PECR: variants seen among roughly 807,000 people sequenced by gnomAD.
PECR encodes the protein peroxisomal trans-2-enoyl-CoA reductase.
A neutral mutation model predicts 35.3 loss-of-function variants in PECR; 30 were observed. The ratio of observed to expected loss-of-function variants is 0.85; its 90% CI spans 0.64 to 1.15. The LOEUF (loss-of-function observed/expected upper bound fraction) is 1.15, where lower values mean the gene tolerates loss of function less well. Among genes scored for constraint, PECR ranks in the 50% most tolerant of loss-of-function variants. PECR has a pLI of 0.00. For synonymous variants in PECR, 148 were observed against 138.9 expected (o/e 1.07, Z -0.46); for missense variants, 392 against 370.8 (o/e 1.06, Z -0.47).
intron 7 of PECR, among the ~76,000 whole-genome samples, chr2:216,029,787 G>T (rs766733891): frequency 5.3e-5 from 8 of 152,222 alleles, no homozygotes; most frequent in Non-Finnish European, 1.0e-4. Flanking sequence ...CAAAGTTTTA[G>T]ATTTGTTTTT....
chr2:216,036,090 T>C (rs1158664351), downstream of PECR, among the ~76,000 whole-genome samples: 4 of 152,182 alleles, frequency 2.6e-5, no homozygotes. Context: ...TGGAATCCCA[T>C]GGGGCATAGC....
chr2:216,048,235 C>T (rs145324577), intron 6 of PECR, among the ~76,000 whole-genome samples: 3,923 of 151,876 alleles, frequency 0.026, 180 homozygotes, highest in African/African-American at 0.09. Context: ...CCACCACACC[C>T]GGGTAATTTT....
At chr2:216,074,031 C>A (rs962447219) in intron 1 of PECR, among the ~76,000 whole-genome samples, 1 of 152,194 alleles carries the variant, frequency 6.6e-6, no homozygotes, top group African/African-American at 2.4e-5. Flanking sequence ...GAAATAAGCA[C>A]CCCAGGACAA....
At chr2:216,037,206 T>C (rs1178529954), downstream of PECR, among the ~76,000 whole-genome samples, 5 of 152,242 alleles carry the variant, frequency 3.3e-5, no homozygotes, top group Non-Finnish European at 7.3e-5. Context: ...ACTATTATGA[T>C]GTACATAAGA....
chr2:216,066,723 T>C (rs922655190), intron 1 of PECR, among the ~76,000 whole-genome samples: 2 of 152,202 alleles, frequency 1.3e-5, no homozygotes, highest in Non-Finnish European at 2.9e-5. Context: ...TCTCACCCTG[T>C]TGCTCAGGCT....
At chr2:216,075,638 T>C (rs1426144429) in intron 1 of PECR, among the ~76,000 whole-genome samples, 2 of 152,228 alleles carry the variant, frequency 1.3e-5, no homozygotes, top group Admixed American at 1.3e-4. Flanking sequence ...ACTGACCTGC[T>C]TAGAATAGGT....
In PECR at chr2:216,081,686, T is replaced by C; in HGVS notation, c.56A>G (p.Gln19Arg). Residue 19 changes from glutamine (Q) to arginine (R), a missense_variant, in exon 1 of 8, where the codon CAA becomes CGA. Coordinates refer to ENST00000265322, the MANE Select transcript of PECR (RefSeq NM_018441.6). Reference sequence around the variant, plus strand: ...GGCCCCGCCGGTGACGATGGCCACTTGGCCCTGCAGCAAACCAGGCGCCAG... The same window carrying C: ...GGCCCCGCCGGTGACGATGGCCACTCGGCCCTGCAGCAAACCAGGCGCCAG... ...SYLAPGLLQG[Q>R]VAIVTGGATG... 6.2e-7 allele frequency: 1 copy of C among 1,613,718 alleles called. No individual in the cohort carries two copies. Among genetic ancestry groups the C allele is most frequent in the Non-Finnish European group, 8.5e-7 (1 of 1,179,952 alleles).
intron 1 of PECR, among the ~76,000 whole-genome samples, chr2:216,077,448 A>G (rs1695732323): frequency 6.6e-6 from 1 of 151,708 alleles, no homozygotes; most frequent in African/African-American, 2.4e-5. Flanking sequence ...CGGAGCTTGC[A>G]GTGAGCCAAG....
chr2:216,054,371 CTTTT>C (rs34214360), intron 4 of PECR, among the ~76,000 whole-genome samples: 1 of 102,774 alleles, frequency 9.7e-6, no homozygotes, highest in Non-Finnish European at 1.9e-5. Flanking sequence ...TTTTTTCTTT[CTTTT>C]TTTTTTTTTT....
intron 1 of PECR, among the ~76,000 whole-genome samples, chr2:216,071,837 C>T (rs750801402): frequency 6.6e-6 from 1 of 152,130 alleles, no homozygotes; most frequent in African/African-American, 2.4e-5. Flanking sequence ...TCTTTAGGTC[C>T]CTTCAGGTCT....
chr2:216,071,030 A>T (rs1231591888), intron 1 of PECR, among the ~76,000 whole-genome samples: 1 of 152,156 alleles, frequency 6.6e-6, no homozygotes, highest in Non-Finnish European at 1.5e-5. Context: ...ATTAATTGAG[A>T]CAGGTAATTG....
At chr2:216,059,451 T>G (rs563369730) in intron 3 of PECR, among the ~76,000 whole-genome samples, 83 of 152,370 alleles carry the variant, frequency 5.4e-4, no homozygotes, top group African/African-American at 1.8e-3. Flanking sequence ...CCGAGTAGTA[T>G]TCCATTATGT....
At chr2:216,063,553 G>A (rs1366071181) in intron 3 of PECR, among the ~76,000 whole-genome samples, 1 of 151,996 alleles carries the variant, frequency 6.6e-6, no homozygotes, top group African/African-American at 2.4e-5. Context: ...AGGAGGTGGA[G>A]GTTGCAGTGA....
At position 216,081,106 on chromosome 2, in the gene PECR, T is replaced by C. The variant is rs72952637; in HGVS notation, c.124+512A>G. On this transcript the variant is annotated intron_variant, in intron 1 of 7. Coordinates refer to ENST00000265322, the MANE Select transcript of PECR (RefSeq NM_018441.6). Reference sequence around the variant, plus strand: ...ACTTTCATACAGGTAGATTGATTTATGTTCTCCTTTGTGGTTTATTCCCTC... The same window carrying C: ...ACTTTCATACAGGTAGATTGATTTACGTTCTCCTTTGTGGTTTATTCCCTC... 3.8e-3 allele frequency among the ~76,000 whole-genome samples: 578 copies of C among 152,388 alleles called. 4 individuals are homozygous for C. The highest frequency in any genetic ancestry group is 0.014 in the Middle Eastern group (4 of 294).
chr2:216,043,098 TATGC>T lies in PECR; in HGVS notation c.826+802_826+805del, dbSNP rs1314500452. Among the ~76,000 whole-genome samples the T allele has an allele frequency of 6.2e-5, 9 of 145,918 alleles. 1 individual carries two copies. The highest frequency in any genetic ancestry group is 3.6e-3 in the Middle Eastern group (1 of 274). On this transcript the variant is annotated intron_variant, in intron 7 of 7. Coordinates refer to ENST00000265322, the MANE Select transcript of PECR (RefSeq NM_018441.6). ...ATATATATACACATACATATATATG[TATGC>T]GTATATATATATATTTTTTTTTGAG...
chr2:216,045,001 G>A (rs1043451442), intron 6 of PECR, among the ~76,000 whole-genome samples: 3 of 152,328 alleles, frequency 2.0e-5, no homozygotes, highest in South Asian at 2.1e-4. Flanking sequence ...AGAATCTGCA[G>A]TTTAAAAGGC....
chr2:216,055,266 C>T (rs1487284064), intron 4 of PECR, among the ~76,000 whole-genome samples: 2 of 151,574 alleles, frequency 1.3e-5, no homozygotes, highest in Non-Finnish European at 1.5e-5. Flanking sequence ...AGAGAAACCC[C>T]GTCTCTATTA....
At chr2:216,055,305 C>G (rs528513403) in intron 4 of PECR, among the ~76,000 whole-genome samples, 2 of 151,442 alleles carry the variant, frequency 1.3e-5, no homozygotes, top group African/African-American at 4.9e-5. Flanking sequence ...GGCATGGTGA[C>G]GCATGCCTGT....
chr2:216,058,955 T>C lies in PECR; in HGVS notation c.446A>G (p.Glu149Gly). Residue 149 changes from glutamate to glycine, a missense_variant, in exon 4 of 8, where the codon GAG becomes GGG. Transcript: ENST00000265322. ...GATATTGACGATAGATCCTCCATGC[T>C]CTTTCATCCAGGAGCTGTAAACTGC... ...CKAVYSSWMK[E>G]HGGSIVNIIV... 1 of 1,609,618 alleles carries C rather than the reference T, an allele frequency of 6.2e-7. No homozygotes were observed. The highest frequency in any genetic ancestry group is 8.5e-7 in the Non-Finnish European group (1 of 1,175,972).
Sources: gnomAD v4.1 joint callset for allele counts (sites outside exome capture counted in the v4.1 genomes callset) on GRCh38, gnomAD v4.1.1 for gene constraint, MANE v1.5 for transcripts, NCBI Gene and HGNC (gene_info 2026-07-23, HGNC 2026-07-21) for gene names.